Variants in ITGAM observed in about 807,000 individuals in gnomAD.
ITGAM encodes integrin subunit alpha M, also known as integrin alpha-M.
A neutral mutation model predicts 137.5 loss-of-function variants in ITGAM; 79 were observed. The observed-to-expected ratio is 0.57, with a 90% CI of 0.48 to 0.69. The LOEUF (loss-of-function observed/expected upper bound fraction) is 0.69. ITGAM is among the 30% of genes least tolerant of loss of function. The pLI, the probability that ITGAM is intolerant of heterozygous loss-of-function variation, is 0.00. For missense variants in ITGAM, 1,343 were observed against 1,483.5 expected (o/e 0.91, Z 1.56); for synonymous variants, 583 against 592.3 (o/e 0.98, Z 0.23).
intron 14 of ITGAM, among the ~76,000 whole-genome samples, chr16:31,302,999 T>TC: frequency 1.4e-5 from 2 of 142,774 alleles, no homozygotes; most frequent in Non-Finnish European, 3.0e-5. Flanking sequence ...TTTCTTTCTT[T>TC]TTCTTTCTCT....
intron 14 of ITGAM, among the ~76,000 whole-genome samples, chr16:31,308,692 A>G (rs1274075202): frequency 1.3e-5 from 2 of 152,204 alleles, no homozygotes; most frequent in Non-Finnish European, 2.9e-5. Context: ...GCCTTCTGCT[A>G]GCTTTTGAAT....
chr16:31,327,045 G>T, intron 22 of ITGAM, 110 bp downstream of exon 22: 1 of 845,044 alleles, frequency 1.2e-6, no homozygotes, highest in African/African-American at 1.7e-5. Context: ...CAACTCATTT[G>T]TTCACTCAGC....
intron 14 of ITGAM, among the ~76,000 whole-genome samples, chr16:31,302,714 T>C (rs570105380): frequency 2.0e-5 from 3 of 152,000 alleles, no homozygotes; most frequent in East Asian, 3.9e-4. Flanking sequence ...TTTTTCTCTT[T>C]TTAGGAGAGA....
chr16:31,288,925 C>T (rs963215738), intron 12 of ITGAM, among the ~76,000 whole-genome samples: 28 of 152,044 alleles, frequency 1.8e-4, no homozygotes, highest in Non-Finnish European at 3.7e-4. Flanking sequence ...AAAAACAACC[C>T]CATCAACAAG....
chr16:31,282,773 GGTTATTTTGCTC>G (rs1375725940), intron 12 of ITGAM, among the ~76,000 whole-genome samples: 1 of 152,110 alleles, frequency 6.6e-6, no homozygotes, highest in Non-Finnish European at 1.5e-5. Context: ...GATGTTAGCT[GGTTATTTTGCTC>G]GTTAGTTGAT....
At chr16:31,302,737 A>C (rs537496864) in intron 14 of ITGAM, among the ~76,000 whole-genome samples, 12 of 151,812 alleles carry the variant, frequency 7.9e-5, no homozygotes, top group African/African-American at 2.9e-4. Context: ...GGGTTTCACC[A>C]TGTTGGCCAG....
chr16:31,315,199 G>A (rs2080378145), intron 14 of ITGAM, among the ~76,000 whole-genome samples: 1 of 152,054 alleles, frequency 6.6e-6, no homozygotes, highest in South Asian at 2.1e-4. Flanking sequence ...TATCAGTTGT[G>A]TGGTTTGCAA....
rs1221293122 is a variant in ITGAM at position 31,273,430 on chromosome 16, C to T, written c.770C>T (p.Thr257Met). The change falls in exon 8 of 30, where the codon ACG (threonine) becomes ATG (methionine). Residue 257 changes from threonine to methionine, a missense_variant. Physicochemically the swap from Thr to Met is moderately conservative, Grantham distance 81. Transcript: ENST00000544665. Reference sequence around the variant, plus strand: ...GCCTTTAAGATCCTAGTTGTCATCACGGATGGAGAAAAGTTTGGCGATCCC... The same window carrying T: ...GCCTTTAAGATCCTAGTTGTCATCATGGATGGAGAAAAGTTTGGCGATCCC... ...KNAFKILVVI[T>M]DGEKFGDPLG... 1.9e-6 allele frequency: 3 copies of T among 1,613,748 alleles called. No homozygotes were observed. The highest frequency in any genetic ancestry group is 2.5e-6 in the Non-Finnish European group (3 of 1,179,780).
chr16:31,280,557 G>A (rs1037642381), intron 12 of ITGAM, among the ~76,000 whole-genome samples: 2 of 152,122 alleles, frequency 1.3e-5, no homozygotes, highest in South Asian at 4.1e-4. Context: ...TTGGTGTATA[G>A]GAATGCTTGT....
At chr16:31,265,579 G>T (rs1236341677) in intron 3 of ITGAM, 81 bp downstream of exon 3, 3 of 982,168 alleles carry the variant, frequency 3.1e-6, no homozygotes, top group Non-Finnish European at 3.0e-6. Context: ...TGTGTCCTGG[G>T]GATCTGTGGT....
In ITGAM at chr16:31,300,641, C is replaced by T. The variant is rs1010030224; in HGVS notation, c.1707+2687C>T. The stretch of plus-strand genomic sequence containing the variant: ...ATCAAGTTATTAAGGCCGGGAGCAG[C>T]GGCTCATGCCTGTAATCCCAGCACA... On this transcript the variant is annotated intron_variant, in intron 14 of 29. Transcript: ENST00000544665. Among the ~76,000 whole-genome samples the T allele has an allele frequency of 9.2e-5, 14 of 152,130 alleles. No individual in the cohort carries two copies. The South Asian group carries it at 1.9e-3, about 20-fold the overall frequency.
chr16:31,271,105 T>C (rs1341203880), intron 6 of ITGAM, 21 bp downstream of exon 6: 3 of 1,524,078 alleles, frequency 2.0e-6, no homozygotes, highest in South Asian at 2.6e-5. Context: ...AGGGGTAGGT[T>C]AGGGAAGAGC....
At chr16:31,277,300 C>T (rs2079918309) in intron 11 of ITGAM, among the ~76,000 whole-genome samples, 2 of 151,814 alleles carry the variant, frequency 1.3e-5, no homozygotes, top group Admixed American at 6.6e-5. Context: ...TCAAGCGATT[C>T]TCCTACCTCA....
At chr16:31,326,278 A>C (rs1489889945) in intron 21 of ITGAM, among the ~76,000 whole-genome samples, 1 of 152,020 alleles carries the variant, frequency 6.6e-6, no homozygotes, top group Non-Finnish European at 1.5e-5. Context: ...AGATTTGCCT[A>C]TTCTGGACAT....
At chr16:31,310,146 C>G (rs2080310225) in intron 14 of ITGAM, among the ~76,000 whole-genome samples, 2 of 151,810 alleles carry the variant, frequency 1.3e-5, no homozygotes, top group Admixed American at 1.3e-4. Context: ...TTCATTTCAA[C>G]TTTGGTGAAT....
intron 12 of ITGAM, among the ~76,000 whole-genome samples, chr16:31,280,757 G>T (rs2144323848): frequency 6.6e-6 from 1 of 152,242 alleles, no homozygotes; most frequent in Non-Finnish European, 1.5e-5. Flanking sequence ...ACACTATGTT[G>T]AATAGGAGTG....
At chr16:31,321,069 G>A (rs1412527395) in intron 14 of ITGAM, among the ~76,000 whole-genome samples, 172 bp from the exon 15 acceptor site, 1 of 152,114 alleles carries the variant, frequency 6.6e-6, no homozygotes, top group East Asian at 1.9e-4. Flanking sequence ...TGGTCTAAAG[G>A]TGAATAATTC....
intron 2 of ITGAM, among the ~76,000 whole-genome samples, chr16:31,262,148 C>T (rs1419987285): frequency 6.6e-6 from 1 of 152,192 alleles, no homozygotes; most frequent in Non-Finnish European, 1.5e-5. Context: ...TAAGGCCTGC[C>T]TGCAGGCTGC....
Position 31,330,173 on chromosome 16 carries a change from CT to C in ITGAM, c.3060+10del. On this transcript the variant is annotated intron_variant, in intron 26 of 29. Coordinates refer to ENST00000544665, the MANE Select transcript of ITGAM (RefSeq NM_000632.4). ...GGAAGGCCCCCGTGGTGGTGAGAAG[CT>C]AAGTCAGCCCCAGGGCCACACAGAG... is the stretch of plus-strand genomic sequence containing the variant. The C allele has an allele frequency of 6.2e-7, 1 of 1,612,186 alleles. No individual in the cohort carries two copies. The highest frequency in any genetic ancestry group is 8.5e-7 in the Non-Finnish European group (1 of 1,178,928).
Sources: allele counts gnomAD v4.1 joint callset (sites outside exome capture counted in the v4.1 genomes callset), GRCh38; gene constraint gnomAD v4.1.1; transcripts MANE v1.5; gene names NCBI Gene and HGNC (gene_info 2026-07-23, HGNC 2026-07-21).